TAFA2: variants seen among roughly 807,000 people sequenced by gnomAD.
TAFA2 encodes TAFA chemokine like family member 2.
TAFA2 carries 7 observed loss-of-function variants against 18.8 expected under a neutral mutation model. The ratio of observed to expected loss-of-function variants is 0.37; its 90% CI spans 0.21 to 0.70. TAFA2 has a LOEUF of 0.70. Ranked by LOEUF, TAFA2 falls within the 30% of genes least tolerant of loss-of-function variation. The pLI is 0.53. For missense variants in TAFA2, 122 were observed against 158.1 expected (o/e 0.77, Z 1.23); for synonymous variants, 60 against 54.2 (o/e 1.11, Z -0.47).
At chr12:61,933,519 C>T (rs11615613) in intron 1 of TAFA2, among the ~76,000 whole-genome samples, 2 of 152,186 alleles carry the variant, frequency 1.3e-5, no homozygotes, top group East Asian at 3.9e-4. Context: ...TGAAACCAGC[C>T]TGGGCAATTA....
intron 1 of TAFA2, among the ~76,000 whole-genome samples, chr12:61,872,670 T>C (rs1390867761): frequency 6.6e-6 from 1 of 152,126 alleles, no homozygotes; most frequent in Non-Finnish European, 1.5e-5. Context: ...CCAGGTTCCC[T>C]ACGCTTCAAG....
chr12:61,977,370 A>G (rs1254391497), intron 1 of TAFA2, among the ~76,000 whole-genome samples: 1 of 152,058 alleles, frequency 6.6e-6, no homozygotes, highest in Non-Finnish European at 1.5e-5. Context: ...CTGATAGTCT[A>G]TGCTTTTCAC....
chr12:61,805,418 C>A (rs987038053), intron 2 of TAFA2, among the ~76,000 whole-genome samples: 3 of 151,914 alleles, frequency 2.0e-5, no homozygotes, highest in Non-Finnish European at 2.9e-5. Flanking sequence ...AACATCATGC[C>A]ATACTATATT....
At chr12:61,846,428 T>C (rs1005649836) in intron 2 of TAFA2, among the ~76,000 whole-genome samples, 19 of 152,260 alleles carry the variant, frequency 1.2e-4, no homozygotes, top group African/African-American at 4.3e-4. Context: ...GTGATAATCA[T>C]TCTAGTACTT....
At chr12:61,921,468 A>T (rs1877050699) in intron 1 of TAFA2, among the ~76,000 whole-genome samples, 1 of 152,186 alleles carries the variant, frequency 6.6e-6, no homozygotes, top group Non-Finnish European at 1.5e-5. Context: ...ATGGAAGAAT[A>T]GAATTGCCCC....
chr12:61,876,542 A>C (rs1207871816), intron 1 of TAFA2, among the ~76,000 whole-genome samples: 1 of 152,120 alleles, frequency 6.6e-6, no homozygotes, highest in Non-Finnish European at 1.5e-5. Context: ...AAACCATTAA[A>C]ACATGGAACC....
At chr12:61,885,652 T>A (rs1875342935) in intron 1 of TAFA2, among the ~76,000 whole-genome samples, 1 of 152,212 alleles carries the variant, frequency 6.6e-6, no homozygotes, top group Admixed American at 6.5e-5. Flanking sequence ...TGAAAACTGA[T>A]CACTGCATTA....
intron 1 of TAFA2, among the ~76,000 whole-genome samples, chr12:62,066,291 A>G (rs1239231325): frequency 2.0e-5 from 3 of 151,920 alleles, no homozygotes; most frequent in Non-Finnish European, 2.9e-5. Context: ...AAACAATCCA[A>G]TTATACTCTT....
At chr12:61,949,577 T>C (rs146403072) in intron 1 of TAFA2, among the ~76,000 whole-genome samples, 128 of 152,196 alleles carry the variant, frequency 8.4e-4, no homozygotes, top group African/African-American at 3.0e-3. Flanking sequence ...CTCTCTACCA[T>C]CAAGCCTCCT....
intron 2 of TAFA2, among the ~76,000 whole-genome samples, chr12:61,809,166 A>G (rs1592403416): frequency 1.3e-5 from 2 of 151,538 alleles, no homozygotes; most frequent in East Asian, 1.9e-4. Flanking sequence ...CATAGGGTTC[A>G]ACGTGCAATC....
At chr12:61,977,976 T>C (rs1286242326) in intron 1 of TAFA2, among the ~76,000 whole-genome samples, 1 of 152,072 alleles carries the variant, frequency 6.6e-6, no homozygotes, top group Non-Finnish European at 1.5e-5. Flanking sequence ...TTCTTTTAGA[T>C]TAAGAATTCC....
chr12:62,016,900 G>A (rs1403521814), intron 1 of TAFA2, among the ~76,000 whole-genome samples: 2 of 152,190 alleles, frequency 1.3e-5, no homozygotes, highest in African/African-American at 2.4e-5. Flanking sequence ...TGCCATACAT[G>A]TAGAGCAGGG....
At chr12:62,150,883 C>A (rs1376520163) in intron 1 of TAFA2, among the ~76,000 whole-genome samples, 1 of 150,198 alleles carries the variant, frequency 6.7e-6, no homozygotes, top group Admixed American at 6.7e-5. Flanking sequence ...CAGTGAGACC[C>A]TGTCCAAAAA....
rs1162730561 is a variant in TAFA2, at chr12:61,937,809, A to G, written c.-1-70383T>C. 5.3e-5 allele frequency among the ~76,000 whole-genome samples: 8 copies of G among 152,164 alleles called. No homozygotes were observed. The East Asian group carries it at 1.5e-3, about 29-fold the overall frequency. On this transcript the variant is annotated intron_variant, in intron 1 of 4. Transcript: ENST00000416284. ...ACAAAAACAAAACTAAATAAATGGG[A>G]CCTAATTAAACAAAAAGCTTTTGTA... is the stretch of plus-strand genomic sequence containing the variant.
chr12:61,838,039 T>G (rs1019183047), intron 2 of TAFA2, among the ~76,000 whole-genome samples: 1 of 151,978 alleles, frequency 6.6e-6, no homozygotes, highest in Non-Finnish European at 1.5e-5. Context: ...CATGGGCATT[T>G]GATCCAAGGT....
At chr12:62,223,325 T>G (rs1370388505) in intron 1 of TAFA2, among the ~76,000 whole-genome samples, 1 of 152,094 alleles carries the variant, frequency 6.6e-6, no homozygotes, top group African/African-American at 2.4e-5. Flanking sequence ...ACCACAAGCA[T>G]GCGCCAACCA....
At chr12:61,740,480 A>G (rs1868396233) in intron 4 of TAFA2, among the ~76,000 whole-genome samples, 1 of 139,586 alleles carries the variant, frequency 7.2e-6, no homozygotes, top group African/African-American at 3.1e-5. Context: ...TTAAAGTCTA[A>G]AAAAAAAAAG....
At chr12:61,966,598 G>A (rs990042) in intron 1 of TAFA2, among the ~76,000 whole-genome samples, 103,633 of 151,792 alleles carry the variant, frequency 0.68, 37,111 homozygotes, top group South Asian at 0.8. Context: ...TGGGTATGAG[G>A]TGCCATTAAT....
At chr12:62,101,154 G>A (rs2136849551) in intron 1 of TAFA2, among the ~76,000 whole-genome samples, 1 of 152,194 alleles carries the variant, frequency 6.6e-6, no homozygotes, top group African/African-American at 2.4e-5. Context: ...ACCCAGAAGA[G>A]TCCTGATGAT....
Sources: gnomAD v4.1 joint callset for allele counts (sites outside exome capture counted in the v4.1 genomes callset) on GRCh38, gnomAD v4.1.1 for gene constraint, MANE v1.5 for transcripts, NCBI Gene and HGNC (gene_info 2026-07-23, HGNC 2026-07-21) for gene names.